LRP1B: variants seen among roughly 807,000 people sequenced by gnomAD.
LRP1B encodes LDL receptor related protein 1B.
Under a neutral mutation model 556.6 loss-of-function variants are expected in LRP1B, and 217 were observed. The ratio of observed to expected loss-of-function variants is 0.39; its 90% CI spans 0.35 to 0.44. The LOEUF (loss-of-function observed/expected upper bound fraction) is 0.44. Among genes scored for constraint, LRP1B ranks in the 20% least tolerant of loss-of-function variants. The pLI is 1.00. For synonymous variants in LRP1B, 2,047 were observed against 1,865.8 expected, an observed-to-expected ratio of 1.10 and a Z score of -2.50; for missense variants, 5,053 against 5,620.8, an observed-to-expected ratio of 0.90 and a Z score of 3.23.
chr2:140,738,846 T>C (rs1171382537), intron 35 of LRP1B, among the ~76,000 whole-genome samples: 1 of 152,196 alleles, frequency 6.6e-6, no homozygotes, highest in African/African-American at 2.4e-5. Context: ...ACTAATTGCC[T>C]ACATCAAATA....
chr2:141,400,562 C>G (rs1205485361), intron 3 of LRP1B, among the ~76,000 whole-genome samples: 1 of 152,112 alleles, frequency 6.6e-6, no homozygotes, highest in African/African-American at 2.4e-5. Flanking sequence ...CCTAGATACA[C>G]CTAACATTTG....
At chr2:140,600,704 T>C (rs1453193932) in intron 42 of LRP1B, among the ~76,000 whole-genome samples, 1 of 150,494 alleles carries the variant, frequency 6.6e-6, no homozygotes, top group African/African-American at 2.4e-5. Flanking sequence ...CCATATTGTA[T>C]ATGAGAGTGA....
intron 41 of LRP1B, among the ~76,000 whole-genome samples, chr2:140,676,109 T>G (rs1335726500): frequency 6.6e-6 from 1 of 152,180 alleles, no homozygotes; most frequent in African/African-American, 2.4e-5. Flanking sequence ...TATTTTCACA[T>G]AAACAATAGC....
intron 1 of LRP1B, among the ~76,000 whole-genome samples, chr2:142,022,288 A>T (rs909341307): frequency 1.5e-4 from 23 of 151,520 alleles, no homozygotes; most frequent in African/African-American, 5.6e-4. Flanking sequence ...TGTAAAAAAA[A>T]ACAACAGTGA....
chr2:142,067,200 G>C (rs78883859), intron 1 of LRP1B, among the ~76,000 whole-genome samples: 6,558 of 151,432 alleles, frequency 0.043, 234 homozygotes, highest in Non-Finnish European at 0.058. Context: ...TCCAGGATAA[G>C]TCTCTCTATC....
At chr2:140,626,031 G>A (rs1683644990) in intron 41 of LRP1B, among the ~76,000 whole-genome samples, 1 of 152,134 alleles carries the variant, frequency 6.6e-6, no homozygotes, top group African/African-American at 2.4e-5. Flanking sequence ...GCAATGGAAT[G>A]CTATTCACTG....
At chr2:141,103,802 C>A (rs1025808592) in intron 7 of LRP1B, among the ~76,000 whole-genome samples, 1 of 149,292 alleles carries the variant, frequency 6.7e-6, no homozygotes, top group Non-Finnish European at 1.5e-5. Context: ...ATATTATAAA[C>A]ACTGTTTTTA....
intron 1 of LRP1B, among the ~76,000 whole-genome samples, chr2:142,054,477 A>G (rs1704586573): frequency 6.6e-6 from 1 of 152,046 alleles, no homozygotes; most frequent in Non-Finnish European, 1.5e-5. Context: ...TCATCTTCAT[A>G]TATGCTATGT....
At chr2:142,060,042 A>G (rs996611902) in intron 1 of LRP1B, among the ~76,000 whole-genome samples, 3 of 152,136 alleles carry the variant, frequency 2.0e-5, no homozygotes, top group African/African-American at 7.2e-5. Context: ...TAAGCAGAAG[A>G]TGAAAACTCG....
chr2:140,413,650 C>A (rs1685057238), intron 66 of LRP1B, among the ~76,000 whole-genome samples: 1 of 152,120 alleles, frequency 6.6e-6, no homozygotes, highest in Non-Finnish European at 1.5e-5. Flanking sequence ...TTTGTGTTAT[C>A]TTCACAAACA....
intron 7 of LRP1B, among the ~76,000 whole-genome samples, chr2:141,106,511 ACTC>A (rs1700605478): frequency 6.6e-6 from 1 of 150,424 alleles, no homozygotes. Flanking sequence ...CAGAGACAAA[ACTC>A]CTTATCTGAA....
chr2:140,282,048 T>C (rs915578599), intron 84 of LRP1B, among the ~76,000 whole-genome samples: 5 of 151,780 alleles, frequency 3.3e-5, no homozygotes, highest in African/African-American at 1.2e-4. Flanking sequence ...GTCCAGTCCT[T>C]CCTCGGTCTA....
At chr2:141,937,078 G>T (rs1449569812) in intron 1 of LRP1B, among the ~76,000 whole-genome samples, 1 of 61,160 alleles carries the variant, frequency 1.6e-5, no homozygotes. Flanking sequence ...ATTTGTGAAA[G>T]ATATAAAAAA....
chr2:140,669,829 T>C (rs544667928), intron 41 of LRP1B, among the ~76,000 whole-genome samples: 1 of 152,108 alleles, frequency 6.6e-6, no homozygotes, highest in South Asian at 2.1e-4. Flanking sequence ...TTATACAATA[T>C]TTCACTCACA....
chr2:140,770,834 T>G (rs1689284801), intron 34 of LRP1B, 47 bp downstream of exon 34: 1 of 1,485,232 alleles, frequency 6.7e-7, no homozygotes. Context: ...TATGTAATGA[T>G]TAGTGAAGTA....
intron 20 of LRP1B, among the ~76,000 whole-genome samples, chr2:140,941,030 A>AT (rs914902379): frequency 6.6e-5 from 10 of 152,036 alleles, no homozygotes; most frequent in Admixed American, 2.0e-4. Context: ...TGATGTCAAC[A>AT]TTTTTTTCAA....
intron 2 of LRP1B, among the ~76,000 whole-genome samples, chr2:141,563,476 G>C (rs144572837): frequency 1.0e-3 from 152 of 152,062 alleles, no homozygotes; most frequent in African/African-American, 3.5e-3. Flanking sequence ...ATTAATTAGG[G>C]AAGCTAGAAG....
chr2:142,085,725 C>T lies in LRP1B; in HGVS notation c.82+44923G>A, dbSNP rs530703864. 1.2e-4 allele frequency among the ~76,000 whole-genome samples: 18 copies of T among 152,256 alleles called. No individual in the cohort carries two copies. In the East Asian group the frequency reaches 2.1e-3, roughly 18 times the overall value. ...GAGATTATATGTGGGCTATGCAATG[C>T]CCAGTTTAACTGAACTTTCATAACT... On this transcript the variant is annotated intron_variant, in intron 1 of 90. Transcript: ENST00000389484.
At chr2:140,739,826 G>T (rs1688077420) in intron 35 of LRP1B, among the ~76,000 whole-genome samples, 1 of 151,760 alleles carries the variant, frequency 6.6e-6, no homozygotes, top group African/African-American at 2.4e-5. Flanking sequence ...AAACAAATCA[G>T]CAAGAAAAAA....
Sources: gnomAD v4.1 joint callset for allele counts (sites outside exome capture counted in the v4.1 genomes callset) on GRCh38, gnomAD v4.1.1 for gene constraint, MANE v1.5 for transcripts, NCBI Gene and HGNC (gene_info 2026-07-23, HGNC 2026-07-21) for gene names.